The following POU2F3 variants were observed in gnomAD, a reference collection of about 807,000 sequenced individuals.
POU2F3 encodes the protein POU class 2 homeobox 3.
Under a neutral mutation model 59.2 loss-of-function variants are expected in POU2F3, and 23 were observed. The observed-to-expected ratio is 0.39, with a 90% CI of 0.28 to 0.55. The LOEUF (loss-of-function observed/expected upper bound fraction) is 0.55. Ranked by LOEUF, POU2F3 falls within the 20% of genes least tolerant of loss-of-function variation. POU2F3 has a pLI of 0.66. For synonymous variants in POU2F3, 190 were observed against 214.6 expected, an observed-to-expected ratio of 0.89 and a Z score of 1.00; for missense variants, 473 against 544.5, an observed-to-expected ratio of 0.87 and a Z score of 1.31.
intron 9 of POU2F3, 25 bp downstream of exon 9, chr11:120,307,640 CG>C: frequency 6.5e-7 from 1 of 1,538,130 alleles, no homozygotes; most frequent in Non-Finnish European, 8.9e-7. Context: ...CGGGTGGGCA[CG>C]GGTGGGCTAC....
Position 120,315,383 on chromosome 11 carries a change from G to T in POU2F3, c.1091G>T (p.Gly364Val). The change falls in exon 11 of 13, where the codon GGC becomes GTC. Residue 364 changes from glycine to valine, a missense_variant. Gly to Val is a moderately radical substitution (Grantham distance 109). Transcript: ENST00000543440. ...CAGGTATCTCCCTCAGGGTCTCTGGGCCCCCTCTCTGTCCCTCCTGTCCAC... is the reference window on the plus strand; with the variant it reads ...CAGGTATCTCCCTCAGGGTCTCTGGTCCCCCTCTCTGTCCCTCCTGTCCAC... ...SRLVSPSGSLGPLSVPPVHST... is the reference protein window; with the variant it reads ...SRLVSPSGSLVPLSVPPVHST... The T allele has an allele frequency of 6.2e-7, 1 of 1,613,722 alleles. No individual in the cohort carries two copies. Among genetic ancestry groups the T allele is most frequent in the Non-Finnish European group, 8.5e-7 (1 of 1,179,642 alleles).
At chr11:120,254,279 A>C (rs1036070675) in intron 2 of POU2F3, 1 of 152,422 alleles carries the variant, frequency 6.6e-6, no homozygotes, top group African/African-American at 2.4e-5. Flanking sequence ...ATGCAGCTAC[A>C]GTCTGTCCCA....
chr11:120,254,356 C>T (rs1258561420), intron 2 of POU2F3, among the ~76,000 whole-genome samples: 1 of 152,174 alleles, frequency 6.6e-6, no homozygotes. Flanking sequence ...TGGGGGTGCA[C>T]CTAGAGGCAG....
At chr11:120,299,967 C>T (rs1326231937) in intron 5 of POU2F3, among the ~76,000 whole-genome samples, 1 of 152,184 alleles carries the variant, frequency 6.6e-6, no homozygotes, top group Non-Finnish European at 1.5e-5. Context: ...GGTCCACCTC[C>T]TCAATTTCGT....
At chr11:120,292,306 G>A (rs868537396) in intron 3 of POU2F3, among the ~76,000 whole-genome samples, 2 of 151,996 alleles carry the variant, frequency 1.3e-5, no homozygotes, top group African/African-American at 4.8e-5. Flanking sequence ...ATCCCCATTG[G>A]GGACAGCAAA....
In POU2F3 at chr11:120,305,631, TCCCCACG is replaced by T. The variant is rs1565386716; in HGVS notation, c.628-11_628-5del. The T allele has an allele frequency of 1.2e-6, 2 of 1,613,174 alleles. No homozygotes were observed. Among genetic ancestry groups the T allele is most frequent in the Admixed American group, 3.3e-5 (2 of 60,006 alleles). ...TGCCTCTCATGTTCCTCCCCCTCGG[TCCCCACG>T]CTTAGGGAGATGTGGGGCTGGCGAT... is the stretch of plus-strand genomic sequence containing the variant. On this transcript the variant is annotated splice_polypyrimidine_tract_variant and splice_region_variant and intron_variant, in intron 7 of 12. Coordinates refer to ENST00000543440, the MANE Select transcript of POU2F3 (RefSeq NM_014352.4).
intron 3 of POU2F3, among the ~76,000 whole-genome samples, chr11:120,294,602 C>A (rs1276663586): frequency 2.0e-5 from 3 of 152,230 alleles, no homozygotes; most frequent in African/African-American, 7.2e-5. Flanking sequence ...AAGCTTCCAA[C>A]CTTTTCCCCT....
chr11:120,306,630 G>A lies in POU2F3; in HGVS notation c.769+845G>A, dbSNP rs1208527627. On this transcript the variant is annotated intron_variant, in intron 8 of 12. Coordinates refer to ENST00000543440, the MANE Select transcript of POU2F3 (RefSeq NM_014352.4). The stretch of plus-strand genomic sequence containing the variant: ...GCAGAGTCCCCCCCGGTTGAGAACT[G>A]CCGGCCTAGGCAGAGAGAGGGAGTG... 2.6e-5 allele frequency among the ~76,000 whole-genome samples: 4 copies of A among 152,102 alleles called. No individual in the cohort carries two copies. In the East Asian group the frequency reaches 7.7e-4, roughly 29 times the overall value.
chr11:120,299,557 C>A, intron 4 of POU2F3, 67 bp from the exon 5 acceptor site: 3 of 1,433,686 alleles, frequency 2.1e-6, no homozygotes, highest in Non-Finnish European at 2.9e-6. Flanking sequence ...GGACGAGTGG[C>A]AGGCAGATGG....
At chr11:120,268,558 G>A (rs1162756960) in intron 2 of POU2F3, among the ~76,000 whole-genome samples, 3 of 152,048 alleles carry the variant, frequency 2.0e-5, no homozygotes, top group Non-Finnish European at 2.9e-5. Flanking sequence ...GCTCAGCCTG[G>A]CTCAAACTCC....
At chr11:120,246,416 CTGT>C in intron 1 of POU2F3, 30 bp from the exon 2 acceptor site, 1 of 1,609,448 alleles carries the variant, frequency 6.2e-7, no homozygotes, top group South Asian at 1.1e-5. Flanking sequence ...AAATTGTGAC[CTGT>C]TATTAAAATC....
At chr11:120,305,610 T>C (rs199802521) in intron 7 of POU2F3, 34 bp from the exon 8 acceptor site, 2 of 1,608,924 alleles carry the variant, frequency 1.2e-6, no homozygotes, top group Non-Finnish European at 1.7e-6. Context: ...GGAGGCTGCC[T>C]CTCATGTTCC....
intron 3 of POU2F3, among the ~76,000 whole-genome samples, chr11:120,274,084 AAAGAAAGGAAGG>A (rs1306822829): frequency 7.7e-6 from 1 of 130,576 alleles, no homozygotes. Flanking sequence ...AAAAAGAGAG[AAAGAAAGGAAGG>A]AAGGAAGGAA....
intron 2 of POU2F3, among the ~76,000 whole-genome samples, chr11:120,265,048 T>C (rs902350280): frequency 1.3e-5 from 2 of 152,184 alleles, no homozygotes; most frequent in African/African-American, 4.8e-5. Flanking sequence ...TAAATCACCA[T>C]CTGCAGTTCC....
chr11:120,237,960 G>A (rs1181773653), upstream of POU2F3, among the ~76,000 whole-genome samples: 1 of 152,198 alleles, frequency 6.6e-6, no homozygotes, highest in Admixed American at 6.5e-5. Context: ...AAGAAAAAGT[G>A]CAGGGGACGG....
rs367755083 is a variant in POU2F3 at position 120,302,326 on chromosome 11, C to T, written c.402C>T (p.Ser134=). ...TCCTCCCCTTTCCACAGCAACAAAG[C>T]GGTCTCCTCCTCCCACAGACTGGGC... is the stretch of plus-strand genomic sequence containing the variant. The part of the protein sequence containing the change: ...PNLLPFPQQQ[S]GLLLPQTGPG... Residue 134 remains serine (S), a synonymous_variant, in exon 6 of 13, where the codon AGC becomes AGT. Transcript: ENST00000543440. 40 of 1,612,922 alleles carry T rather than the reference C, an allele frequency of 2.5e-5. No individual in the cohort carries two copies. The highest frequency in any genetic ancestry group is 4.5e-5 in the East Asian group (2 of 44,876).
At chr11:120,278,512 C>G (rs911438124) in intron 3 of POU2F3, among the ~76,000 whole-genome samples, 2 of 152,116 alleles carry the variant, frequency 1.3e-5, no homozygotes, top group Non-Finnish European at 2.9e-5. Flanking sequence ...AAATACAACA[C>G]CAGGAAAAGG....
At chr11:120,240,944 G>A (rs913259324) in intron 1 of POU2F3, among the ~76,000 whole-genome samples, 1 of 152,188 alleles carries the variant, frequency 6.6e-6, no homozygotes, top group African/African-American at 2.4e-5. Flanking sequence ...TGGGTTCCAT[G>A]TCCCATGCCT....
At position 120,305,801 on chromosome 11, in the gene POU2F3, A is replaced by G; in HGVS notation, c.769+16A>G. 1 of 1,612,572 alleles carries G rather than the reference A, an allele frequency of 6.2e-7. No homozygotes were observed. The highest frequency in any genetic ancestry group is 8.5e-7 in the Non-Finnish European group (1 of 1,179,774). The stretch of plus-strand genomic sequence containing the variant: ...AATGATGCAGGTAGGCCTCGCAAAC[A>G]CGGATGCCAGGGGCCCTAGAGGGCT... On this transcript the variant is annotated intron_variant, in intron 8 of 12. Coordinates refer to ENST00000543440, the MANE Select transcript of POU2F3 (RefSeq NM_014352.4).
Sources: allele counts gnomAD v4.1 joint callset (sites outside exome capture counted in the v4.1 genomes callset), GRCh38; gene constraint gnomAD v4.1.1; transcripts MANE v1.5; gene names NCBI Gene and HGNC (gene_info 2026-07-23, HGNC 2026-07-21).